DERPC: variants seen among roughly 807,000 people sequenced by gnomAD.
DERPC encodes the protein DERPC proline and glycine rich nuclear protein.
A neutral mutation model predicts 7.2 loss-of-function variants in DERPC; 1 was observed. The ratio of observed to expected loss-of-function variants is 0.14; its 90% CI spans 0.05 to 0.66. The LOEUF (loss-of-function observed/expected upper bound fraction) is 0.66. Among genes scored for constraint, DERPC ranks in the 30% least tolerant of loss-of-function variants. The probability of loss-of-function intolerance (pLI) is 0.84; values close to 1 mark genes in which losing one functional copy is unlikely to be tolerated. For missense variants in DERPC, 502 were observed against 299.4 expected (o/e 1.68, Z -4.99); for synonymous variants, 185 against 117.6 (o/e 1.57, Z -3.71).
At chr16:69,121,743 C>T (rs1374457299) in intron 1 of DERPC, among the ~76,000 whole-genome samples, 1 of 151,340 alleles carries the variant, frequency 6.6e-6, no homozygotes, top group Non-Finnish European at 1.5e-5. Context: ...TCTCAGCTCA[C>T]TGCAAGCTCC....
chr16:69,127,713 G>C (rs758683258), intron 1 of DERPC, among the ~76,000 whole-genome samples: 67 of 149,192 alleles, frequency 4.5e-4, no homozygotes, highest in Non-Finnish European at 8.6e-4. Context: ...AGGTTCAAGT[G>C]ATTCTCCTGC....
intron 1 of DERPC, among the ~76,000 whole-genome samples, chr16:69,130,569 T>C (rs1962425297): frequency 6.6e-6 from 1 of 152,212 alleles, no homozygotes; most frequent in Non-Finnish European, 1.5e-5. Context: ...TATGTGACAG[T>C]GGGTAGTTTA....
rs374545080 is a variant in DERPC at position 69,125,328 on chromosome 16, A to G, written c.-279-3835T>C. On this transcript the variant is annotated intron_variant, in intron 1 of 2. Coordinates refer to ENST00000519520, the MANE Select transcript of DERPC (RefSeq NM_001002847.4). Reference sequence around the variant, plus strand: ...ATTCAACCATCATCACAAGTCTATGATATAGGTATTTATTCCTATTTTGCA... The same window carrying G: ...ATTCAACCATCATCACAAGTCTATGGTATAGGTATTTATTCCTATTTTGCA... 1.1e-3 allele frequency among the ~76,000 whole-genome samples: 167 copies of G among 152,326 alleles called. 4 individuals are homozygous for G. In the South Asian group the frequency reaches 0.03, roughly 28 times the overall value.
rs1308306904 is a variant in DERPC, at chr16:69,119,206, G to C, written c.1223C>G (p.Pro408Arg). ...IFPRASGPLG[P>R]NPANFPRATG... ...GGCCCTTGGGAAGTTAGCTGGGTTG[G>C]GGCCAAGTGGCCCAGAGGCTCTTGG... The change falls in exon 3 of 3, where the codon CCC becomes CGC. Residue 408 changes from proline to arginine, a missense_variant. Physicochemically the swap from Pro to Arg is moderately radical, Grantham distance 103. Coordinates refer to ENST00000519520, the MANE Select transcript of DERPC (RefSeq NM_001002847.4). 1 of 703,030 alleles carries C rather than the reference G, an allele frequency of 1.4e-6. No homozygotes were observed. The highest frequency in any genetic ancestry group is 2.6e-6 in the Non-Finnish European group (1 of 385,016). 43.5% of individuals were successfully genotyped at this position (703,030 alleles called of 1,614,324 possible).
At chr16:69,123,684 G>A (rs1343432794) in intron 1 of DERPC, among the ~76,000 whole-genome samples, 1 of 152,150 alleles carries the variant, frequency 6.6e-6, no homozygotes, top group Non-Finnish European at 1.5e-5. Flanking sequence ...CAAGGGAACT[G>A]AGAAAGTCCT....
At chr16:69,123,815 C>T (rs921790608) in intron 1 of DERPC, among the ~76,000 whole-genome samples, 2 of 150,798 alleles carry the variant, frequency 1.3e-5, no homozygotes, top group Non-Finnish European at 2.9e-5. Flanking sequence ...TGGCCGGGAG[C>T]AGTAGCTCAC....
chr16:69,119,597 T>C lies in DERPC; in HGVS notation c.832A>G (p.Ile278Val). The C allele has an allele frequency of 1.4e-6, 1 of 701,296 alleles. No homozygotes were observed. Among genetic ancestry groups the C allele is most frequent in the Non-Finnish European group, 2.6e-6 (1 of 383,990 alleles). 43.4% of individuals were successfully genotyped at this position (701,296 alleles called of 1,614,324 possible). Reference protein sequence around the residue: ...AGPQGLDLAPILRAAGLLGAN... With the variant: ...AGPQGLDLAPVLRAAGLLGAN... ...CCTAAAAGACCTGCTGCTCTTAGAA[T>C]GGGGGCAAGATCGAGGCCTTGAGGT... Residue 278 changes from isoleucine to valine, a missense_variant, in exon 3 of 3, where the codon ATT (isoleucine) becomes GTT (valine). Transcript: ENST00000519520.
In DERPC at chr16:69,125,848, T is replaced by C. The variant is rs116236066; in HGVS notation, c.-279-4355A>G. ...ACTGTGTAGTCAAGAACAAGTCACT[T>C]TGTGACTATGACACCTAGATTATGT... On this transcript the variant is annotated intron_variant, in intron 1 of 2. Coordinates refer to ENST00000519520, the MANE Select transcript of DERPC (RefSeq NM_001002847.4). Among the ~76,000 whole-genome samples the C allele has an allele frequency of 7.7e-3, 1,169 of 152,342 alleles. 17 individuals are homozygous for C. Among genetic ancestry groups the C allele is most frequent in the African/African-American group, 0.025 (1,047 of 41,570 alleles).
In DERPC at chr16:69,121,449, T is replaced by C. The variant is rs980374974; in HGVS notation, c.-235A>G. The stretch of plus-strand genomic sequence containing the variant: ...AAATGTACTTACCTGGAAATAACAA[T>C]TTGCACCATGAGCTTTCTGTCTTTA... On this transcript the variant is annotated 5_prime_UTR_variant, in exon 2 of 3. Coordinates refer to ENST00000519520, the MANE Select transcript of DERPC (RefSeq NM_001002847.4). 4 of 1,606,846 alleles carry C rather than the reference T, an allele frequency of 2.5e-6. No homozygotes were observed. The highest frequency in any genetic ancestry group is 1.7e-6 in the Non-Finnish European group (2 of 1,178,156).
intron 1 of DERPC, among the ~76,000 whole-genome samples, chr16:69,123,784 A>C (rs1961853993): frequency 6.6e-6 from 1 of 152,126 alleles, no homozygotes; most frequent in South Asian, 2.1e-4. Context: ...AAAATATCTT[A>C]GATAATTAGA....
chr16:69,125,697 A>G (rs1052694509), intron 1 of DERPC, among the ~76,000 whole-genome samples: 6 of 152,212 alleles, frequency 3.9e-5, no homozygotes, highest in Non-Finnish European at 5.9e-5. Context: ...AAGAGGCCCC[A>G]CCACTACTCT....
Position 69,118,156 on chromosome 16 carries a change from C to CAAAA in DERPC, c.*697_*698insTTTT. On this transcript the variant is annotated 3_prime_UTR_variant, in exon 3 of 3. Transcript: ENST00000519520. ...CCACCCTAATTCCCATATTCCCATC[C>CAAAA]ACATCAGTTTAAATTTTGAGGTTCT... The CAAAA allele has an allele frequency of 2.1e-6, 1 of 475,320 alleles. No homozygotes were observed. 29.4% of individuals were successfully genotyped at this position (475,320 alleles called of 1,614,324 possible). A position where few individuals can be genotyped will look rare whatever the true frequency, so the allele number is the denominator to read the frequency against.
chr16:69,118,909 G>A lies in DERPC; in HGVS notation c.1520C>T (p.Pro507Leu). Residue 507 changes from proline (P) to leucine (L), a missense_variant, in exon 3 of 3, where the codon CCC (proline) becomes CTC (leucine). By Grantham distance (98) the Pro-to-Leu change is moderately conservative (BLOSUM62 -3). Transcript: ENST00000519520. ...SLPGTNPAAFPRPGGPMAAMY... is the reference protein window; with the variant it reads ...SLPGTNPAAFLRPGGPMAAMY... The stretch of plus-strand genomic sequence containing the variant: ...TGCAGCCATTGGACCCCCTGGTCTG[G>A]GGAAAGCAGCTGGGTTTGTGCCAGG... 1 of 703,112 alleles carries A rather than the reference G, an allele frequency of 1.4e-6. No individual in the cohort carries two copies. The highest frequency in any genetic ancestry group is 2.6e-6 in the Non-Finnish European group (1 of 385,030). 43.6% of individuals were successfully genotyped at this position (703,112 alleles called of 1,614,324 possible).
Position 69,118,127 on chromosome 16 carries a change from A to AAAT in DERPC, c.*726_*727insATT. On this transcript the variant is annotated 3_prime_UTR_variant, in exon 3 of 3. Transcript: ENST00000519520. ...CAGTGATTTCTTCCCTTCATCCCCC[A>AAAT]CCCCCACCCTAATTCCCATATTCCC... The AAAT allele has an allele frequency of 7.2e-6, 1 of 138,046 alleles. No individual in the cohort carries two copies. Among genetic ancestry groups the AAAT allele is most frequent in the South Asian group, 6.3e-5 (1 of 15,792 alleles). The allele number at this position is 138,046 out of a possible 1,614,324, so 8.6% of individuals were successfully genotyped here.
chr16:69,124,581 G>A (rs923750647), intron 1 of DERPC, among the ~76,000 whole-genome samples: 3 of 151,574 alleles, frequency 2.0e-5, no homozygotes, highest in South Asian at 2.1e-4. Context: ...CCGCCACCAC[G>A]CCAGGCTGGT....
chr16:69,118,292 A>G lies in DERPC; in HGVS notation c.*562T>C, dbSNP rs940076684. 61 of 1,069,094 alleles carry G rather than the reference A, an allele frequency of 5.7e-5. No homozygotes were observed. The highest frequency in any genetic ancestry group is 8.6e-5 in the Non-Finnish European group (59 of 685,786). 66.2% of individuals were successfully genotyped at this position (1,069,094 alleles called of 1,614,324 possible). A position where few individuals can be genotyped will look rare whatever the true frequency, so the allele number is the denominator to read the frequency against. ...GAGCTGCAGGCCCAGTCAGTCAAGC[A>G]GAAACTGCATTCGGTGGGTCTTTCT... is the stretch of plus-strand genomic sequence containing the variant. On this transcript the variant is annotated 3_prime_UTR_variant, in exon 3 of 3. Transcript: ENST00000519520.
At chr16:69,131,805 A>C (rs1962545048) in intron 1 of DERPC, among the ~76,000 whole-genome samples, 2 of 148,166 alleles carry the variant, frequency 1.3e-5, no homozygotes, top group Non-Finnish European at 1.5e-5. Flanking sequence ...GTTCTCAAGT[A>C]CTCCACTCCT....
At position 69,124,973 on chromosome 16, in the gene DERPC, C is replaced by T. The variant is rs898456924; in HGVS notation, c.-279-3480G>A. Among the ~76,000 whole-genome samples, 13 of 152,020 alleles carry T rather than the reference C, an allele frequency of 8.6e-5. No individual in the cohort carries two copies. The East Asian group carries it at 2.5e-3, about 29-fold the overall frequency. On this transcript the variant is annotated intron_variant, in intron 1 of 2. Coordinates refer to ENST00000519520, the MANE Select transcript of DERPC (RefSeq NM_001002847.4). Reference sequence around the variant, plus strand: ...AGGCTGGAGTGCAATGGCGCGATCTCGGCTCACCGCAACCTCCACCTCCCG... The same window carrying T: ...AGGCTGGAGTGCAATGGCGCGATCTTGGCTCACCGCAACCTCCACCTCCCG...
intron 2 of DERPC, chr16:69,121,006 AG>A: frequency 6.6e-7 from 1 of 1,509,554 alleles, no homozygotes; most frequent in Non-Finnish European, 9.2e-7. Flanking sequence ...ACCTTGGTGT[AG>A]CTTGCTTTCC....
Sources: gnomAD v4.1 joint callset for allele counts (sites outside exome capture counted in the v4.1 genomes callset) on GRCh38, gnomAD v4.1.1 for gene constraint, MANE v1.5 for transcripts, NCBI Gene and HGNC (gene_info 2026-07-23, HGNC 2026-07-21) for gene names.